Variants in JAZF1 observed in about 807,000 individuals in gnomAD.
The protein encoded by JAZF1 is JAZF zinc finger 1.
A neutral mutation model predicts 26.4 loss-of-function variants in JAZF1; 8 were observed. The observed-to-expected ratio is 0.30, with a 90% CI of 0.18 to 0.55. The LOEUF (loss-of-function observed/expected upper bound fraction) is 0.55. Ranked by LOEUF, JAZF1 falls within the 20% of genes least tolerant of loss-of-function variation. The pLI, the probability that JAZF1 is intolerant of heterozygous loss-of-function variation, is 0.94. For missense variants in JAZF1, 199 were observed against 322.0 expected, an observed-to-expected ratio of 0.62 and a Z score of 2.92; for synonymous variants, 126 against 122.3, an observed-to-expected ratio of 1.03 and a Z score of -0.20.
chr7:27,929,595 A>T (rs1461985584), intron 2 of JAZF1, among the ~76,000 whole-genome samples: 5 of 152,208 alleles, frequency 3.3e-5, no homozygotes, highest in Non-Finnish European at 4.4e-5. Flanking sequence ...AGTACCTAAG[A>T]ATGTGAGTTT....
chr7:28,086,131 A>C (rs951761334), intron 1 of JAZF1, among the ~76,000 whole-genome samples: 53 of 152,292 alleles, frequency 3.5e-4, no homozygotes, highest in African/African-American at 1.1e-3. Flanking sequence ...ATATAAAACA[A>C]TCTGAAATGT....
chr7:28,120,568 C>T (rs550964841), intron 1 of JAZF1, among the ~76,000 whole-genome samples: 4 of 120,648 alleles, frequency 3.3e-5, no homozygotes, highest in East Asian at 5.4e-4. Flanking sequence ...AGTGCAATGG[C>T]GCGATCTTGG....
intron 1 of JAZF1, among the ~76,000 whole-genome samples, chr7:28,004,928 C>T (rs191391086): frequency 9.9e-5 from 15 of 152,278 alleles, no homozygotes; most frequent in Admixed American, 2.0e-4. Context: ...GCTGGGATTA[C>T]GGCGTGAACC....
chr7:27,875,179 T>G (rs1783654518), intron 3 of JAZF1, among the ~76,000 whole-genome samples: 1 of 152,168 alleles, frequency 6.6e-6, no homozygotes, highest in South Asian at 2.1e-4. Context: ...CAGCCTCCAC[T>G]CGGCTGCCTG....
intron 1 of JAZF1, among the ~76,000 whole-genome samples, chr7:28,139,753 C>T (rs1277381413): frequency 6.6e-6 from 1 of 152,192 alleles, no homozygotes; most frequent in Non-Finnish European, 1.5e-5. Context: ...TTTCCCTACA[C>T]TCAATAATTC....
chr7:28,008,805 G>C (rs1478989860), intron 1 of JAZF1, among the ~76,000 whole-genome samples: 1 of 152,202 alleles, frequency 6.6e-6, no homozygotes, highest in Non-Finnish European at 1.5e-5. Context: ...CTTTTCAGTA[G>C]AGATAGAAAA....
At chr7:27,948,982 G>A (rs1291067496) in intron 2 of JAZF1, among the ~76,000 whole-genome samples, 1 of 152,140 alleles carries the variant, frequency 6.6e-6, no homozygotes, top group Non-Finnish European at 1.5e-5. Context: ...GCTAAAATGT[G>A]CACCCACAAA....
chr7:28,039,065 T>A (rs777476158), intron 1 of JAZF1, among the ~76,000 whole-genome samples: 1 of 152,152 alleles, frequency 6.6e-6, no homozygotes, highest in Non-Finnish European at 1.5e-5. Flanking sequence ...AGTGGCAAAT[T>A]AGAGGCAAAG....
chr7:27,988,500 C>T (rs191120085), intron 2 of JAZF1, among the ~76,000 whole-genome samples: 8 of 152,078 alleles, frequency 5.3e-5, no homozygotes, highest in Admixed American at 3.3e-4. Flanking sequence ...TTAGCCTCCC[C>T]GTGTAGCTGG....
At chr7:28,098,777 T>C (rs1344498488) in intron 1 of JAZF1, among the ~76,000 whole-genome samples, 10 of 152,166 alleles carry the variant, frequency 6.6e-5, no homozygotes. Flanking sequence ...GACAACATGT[T>C]TGGCACTGTG....
chr7:28,042,685 A>C (rs142759894), intron 1 of JAZF1, among the ~76,000 whole-genome samples: 255 of 152,282 alleles, frequency 1.7e-3, no homozygotes, highest in African/African-American at 6.0e-3. Context: ...GTGGTCCCAT[A>C]AGGTTGTAAT....
intron 2 of JAZF1, among the ~76,000 whole-genome samples, chr7:27,977,229 T>A (rs1785488244): frequency 6.6e-6 from 1 of 152,246 alleles, no homozygotes; most frequent in African/African-American, 2.4e-5. Context: ...ATGAAAATAC[T>A]GAGTTTTGTC....
At chr7:27,947,391 T>C (rs140294573) in intron 2 of JAZF1, among the ~76,000 whole-genome samples, 52 of 152,304 alleles carry the variant, frequency 3.4e-4, no homozygotes, top group African/African-American at 1.1e-3. Context: ...TTCTGATGGA[T>C]TTATAACTAC....
intron 1 of JAZF1, among the ~76,000 whole-genome samples, chr7:28,031,833 G>A (rs1291766976): frequency 6.6e-6 from 1 of 152,056 alleles, no homozygotes; most frequent in African/African-American, 2.4e-5. Context: ...CATGCGACAT[G>A]TTCACCTGTG....
intron 1 of JAZF1, among the ~76,000 whole-genome samples, chr7:28,137,159 C>T (rs924727385): frequency 3.3e-5 from 5 of 152,210 alleles, no homozygotes; most frequent in African/African-American, 9.7e-5. Context: ...GAACCTCTCA[C>T]TCCAAAGCCT....
chr7:28,005,309 T>C (rs1312640208), intron 1 of JAZF1, among the ~76,000 whole-genome samples: 14 of 152,000 alleles, frequency 9.2e-5, no homozygotes, highest in Non-Finnish European at 1.5e-5. Flanking sequence ...TCAGGCTGTA[T>C]CCAAGTATAT....
At chr7:27,942,884 C>T (rs530031404) in intron 2 of JAZF1, among the ~76,000 whole-genome samples, 2 of 152,282 alleles carry the variant, frequency 1.3e-5, no homozygotes, top group African/African-American at 2.4e-5. Context: ...AAGCCTTGGC[C>T]TTTGCATGGG....
At chr7:28,092,730 T>C (rs1784322979) in intron 1 of JAZF1, among the ~76,000 whole-genome samples, 1 of 151,914 alleles carries the variant, frequency 6.6e-6, no homozygotes, top group African/African-American at 2.4e-5. Flanking sequence ...TGTAGTGACT[T>C]GTGCCTGCAG....
chr7:28,155,962 T>C (rs920035785), intron 1 of JAZF1, among the ~76,000 whole-genome samples: 2 of 152,246 alleles, frequency 1.3e-5, no homozygotes, highest in African/African-American at 2.4e-5. Flanking sequence ...TCTATGAGGT[T>C]ACATAAGCTA....
Sources: gnomAD v4.1 joint callset for allele counts (sites outside exome capture counted in the v4.1 genomes callset) on GRCh38, gnomAD v4.1.1 for gene constraint, MANE v1.5 for transcripts, NCBI Gene and HGNC (gene_info 2026-07-23, HGNC 2026-07-21) for gene names.